The following NCBP3 variants were observed in gnomAD, a reference collection of about 807,000 sequenced individuals.
NCBP3 encodes nuclear cap binding subunit 3.
Under a neutral mutation model 75.7 loss-of-function variants are expected in NCBP3, and 20 were observed. That is an observed-to-expected ratio of 0.26 (90% CI 0.19 to 0.38). NCBP3 has a LOEUF of 0.38. NCBP3 is among the 10% of genes least tolerant of loss of function. The pLI is 1.00. For synonymous variants in NCBP3, 293 were observed against 290.5 expected, an observed-to-expected ratio of 1.01 and a Z score of -0.09; for missense variants, 678 against 796.9, an observed-to-expected ratio of 0.85 and a Z score of 1.80.
At chr17:3,813,379 C>G (rs980977068) in intron 12 of NCBP3, 100 bp from the exon 13 acceptor site, 4 of 1,411,978 alleles carry the variant, frequency 2.8e-6, no homozygotes, top group Non-Finnish European at 3.9e-6. Context: ...GTGCAGGAAA[C>G]GCCAGCAGTC....
chr17:3,840,023 C>G, intron 3 of NCBP3, 77 bp downstream of exon 3: 1 of 1,165,798 alleles, frequency 8.6e-7, no homozygotes, highest in Non-Finnish European at 1.3e-6. Context: ...AAGGCAAGGC[C>G]AGAAGCATGA....
intron 2 of NCBP3, 84 bp downstream of exon 2, chr17:3,843,002 A>G: frequency 6.2e-6 from 7 of 1,121,852 alleles, no homozygotes; most frequent in Non-Finnish European, 9.0e-6. Flanking sequence ...AAAAGAGGAA[A>G]TATTTACTGT....
rs1219691483 is a variant in NCBP3 at position 3,811,401 on chromosome 17, C to G, written c.*1643G>C. On this transcript the variant is annotated 3_prime_UTR_variant, in exon 13 of 13. Coordinates refer to ENST00000389005, the MANE Select transcript of NCBP3 (RefSeq NM_001114118.3). ...CTTAAGTCTCAACTGGCAGAGAAAC[C>G]AGAACCATCTCTTTCCTAGAATCCT... 6.6e-6 allele frequency: 1 copy of G among 152,174 alleles called. No individual in the cohort carries two copies. The highest frequency in any genetic ancestry group is 1.5e-5 in the Non-Finnish European group (1 of 68,030). The allele number at this position is 152,174 out of a possible 1,614,324, so 9.4% of individuals were successfully genotyped here.
At chr17:3,842,243 A>G in intron 2 of NCBP3, among the ~76,000 whole-genome samples, 1 of 152,064 alleles carries the variant, frequency 6.6e-6, no homozygotes, top group South Asian at 2.1e-4. Flanking sequence ...TGACCAATAC[A>G]ATGAAACCCT....
At chr17:3,823,564 C>T (rs914292828) in intron 7 of NCBP3, among the ~76,000 whole-genome samples, 2 of 152,004 alleles carry the variant, frequency 1.3e-5, no homozygotes, top group African/African-American at 4.8e-5. Context: ...AAGTATCTGC[C>T]CACCAATTTT....
rs2053604380 is a variant in NCBP3, at chr17:3,818,770, A to T, written c.1001-198T>A. ...ATGGCTAGGTAAAGTATGATGCAGC[A>T]GCCTAACCAAATACCATAAAGTCAT... is the stretch of plus-strand genomic sequence containing the variant. On this transcript the variant is annotated intron_variant, in intron 9 of 12. Coordinates refer to ENST00000389005, the MANE Select transcript of NCBP3 (RefSeq NM_001114118.3). The surrounding 1 kb of genome is among the most constrained non-coding windows in gnomAD (Gnocchi z 4.7). Among the ~76,000 whole-genome samples the T allele has an allele frequency of 6.6e-6, 1 of 152,224 alleles. No individual in the cohort carries two copies. The highest frequency in any genetic ancestry group is 6.5e-5 in the Admixed American group (1 of 15,280).
chr17:3,829,397 T>C (rs779710337), intron 3 of NCBP3, 29 bp from the exon 4 acceptor site: 10 of 1,549,140 alleles, frequency 6.5e-6, no homozygotes, highest in African/African-American at 2.7e-5. Flanking sequence ...GAAAAGATGA[T>C]AGAATTTTCC....
Position 3,826,123 on chromosome 17 carries a change from C to T in NCBP3, c.574G>A (p.Ala192Thr), listed in dbSNP as rs1223717336. Residue 192 changes from alanine to threonine, a missense_variant, in exon 5 of 13, where the codon GCC becomes ACC. Around this residue, in one of 7 missense-constraint regions of NCBP3, gnomAD observed 98 missense variants for 101.8 expected, o/e 0.96. Coordinates refer to ENST00000389005, the MANE Select transcript of NCBP3 (RefSeq NM_001114118.3). ...TTCTCAGCTGACTTGTCCTCACTGG[C>T]ATCCCTGCTTCTGATCTTATCCTGT... Reference protein sequence around the residue: ...PAQDKIRSRDASEDKSAEKRK... With the variant: ...PAQDKIRSRDTSEDKSAEKRK... 1 of 1,551,672 alleles carries T rather than the reference C, an allele frequency of 6.4e-7. No individual in the cohort carries two copies. The highest frequency in any genetic ancestry group is 8.7e-7 in the Non-Finnish European group (1 of 1,146,970).
At chr17:3,843,693 T>C (rs1251275997) in intron 1 of NCBP3, among the ~76,000 whole-genome samples, 4 of 152,182 alleles carry the variant, frequency 2.6e-5, no homozygotes, top group African/African-American at 9.7e-5. Context: ...ATTACAGGCA[T>C]GTGCCACCAC....
chr17:3,829,349 C>T lies in NCBP3; in HGVS notation c.375G>A (p.Leu125=). ...MMKKAIPKVR[L]ETIYICGVDE... is the part of the protein sequence containing the mutation. ...CTACTCCGCAAATATAGATTGTCTCCAGTCTCACCTTGGGGATTGCTAGAA... is the reference window on the plus strand; with the variant it reads ...CTACTCCGCAAATATAGATTGTCTCTAGTCTCACCTTGGGGATTGCTAGAA... Residue 125 remains leucine, a synonymous_variant, in exon 4 of 13, where the codon CTG becomes CTA. Transcript: ENST00000389005. The T allele has an allele frequency of 6.4e-7, 1 of 1,551,896 alleles. No homozygotes were observed.
At chr17:3,814,607 G>A (rs766658150) in intron 11 of NCBP3, 124 bp from the exon 12 acceptor site, 23 of 911,348 alleles carry the variant, frequency 2.5e-5, no homozygotes, top group Non-Finnish European at 2.8e-5. Context: ...CTGACAATCA[G>A]GCTGCTAAGT....
chr17:3,815,756 GTA>G (rs1306269427), intron 11 of NCBP3, among the ~76,000 whole-genome samples: 1 of 152,120 alleles, frequency 6.6e-6, no homozygotes, highest in Non-Finnish European at 1.5e-5. Flanking sequence ...ATGACTTAAA[GTA>G]TATGAGAGGA....
chr17:3,843,447 T>G (rs1463470514), intron 1 of NCBP3, among the ~76,000 whole-genome samples: 1 of 152,166 alleles, frequency 6.6e-6, no homozygotes, highest in Non-Finnish European at 1.5e-5. Flanking sequence ...TTGCCCAGGC[T>G]GGTCACCAAC....
In NCBP3 at chr17:3,816,131, T is replaced by C; in HGVS notation, c.1450A>G (p.Ser484Gly). The change falls in exon 11 of 13, where the codon AGC becomes GGC. Residue 484 changes from serine (S) to glycine (G), a missense_variant. Around this residue, in one of 7 missense-constraint regions of NCBP3, gnomAD observed 365 missense variants for 392.7 expected, o/e 0.93. Coordinates refer to ENST00000389005, the MANE Select transcript of NCBP3 (RefSeq NM_001114118.3). ...GGAACAGTACCTGATTTAGTACTGCTGACTGGTGGCCGTGGACGGGAGTGC... is the reference window on the plus strand; with the variant it reads ...GGAACAGTACCTGATTTAGTACTGCCGACTGGTGGCCGTGGACGGGAGTGC... Reference protein sequence around the residue: ...RQHSRPRPPVSSTKSDIRQRL... With the variant: ...RQHSRPRPPVGSTKSDIRQRL... The C allele has an allele frequency of 6.2e-7, 1 of 1,614,062 alleles. No homozygotes were observed. Among genetic ancestry groups the C allele is most frequent in the East Asian group, 2.2e-5 (1 of 44,890 alleles).
rs1333709667 is a variant in NCBP3, at chr17:3,807,936, G to C, written c.*5108C>G. The C allele has an allele frequency of 6.6e-6, 1 of 152,020 alleles. No homozygotes were observed. The highest frequency in any genetic ancestry group is 2.4e-5 in the African/African-American group (1 of 41,364). The allele number at this position is 152,020 out of a possible 1,614,324, so 9.4% of individuals were successfully genotyped here. ...AGTGTAGAGGTGTGCAGGGTTGTGG[G>C]GTACAGTGATTTGGCATTATACACA... On this transcript the variant is annotated 3_prime_UTR_variant, in exon 13 of 13. Coordinates refer to ENST00000389005, the MANE Select transcript of NCBP3 (RefSeq NM_001114118.3).
chr17:3,819,052 T>C (rs1288810508), intron 9 of NCBP3, among the ~76,000 whole-genome samples: 1 of 152,154 alleles, frequency 6.6e-6, no homozygotes, highest in Non-Finnish European at 1.5e-5. Context: ...TTTTTCACAC[T>C]TCTGTGCCTG....
rs147648960 is a variant in NCBP3, at chr17:3,806,297, T to C, written c.*6747A>G. On this transcript the variant is annotated 3_prime_UTR_variant, in exon 13 of 13. Transcript: ENST00000389005. ...TTCCAACATGTTGGCCAGGCTGCTCTTGAACTCCTGACCTCAGGTGATCCA... is the reference window on the plus strand; with the variant it reads ...TTCCAACATGTTGGCCAGGCTGCTCCTGAACTCCTGACCTCAGGTGATCCA... The C allele has an allele frequency of 0.042, 6,429 of 152,364 alleles. 183 individuals are homozygous for C. Among genetic ancestry groups the C allele is most frequent in the Non-Finnish European group, 0.063 (4,292 of 68,068 alleles). The allele number at this position is 152,364 out of a possible 1,614,324, so 9.4% of individuals were successfully genotyped here.
chr17:3,831,277 A>G (rs150912018), intron 3 of NCBP3, among the ~76,000 whole-genome samples: 2 of 151,928 alleles, frequency 1.3e-5, no homozygotes, highest in Non-Finnish European at 2.9e-5. Context: ...TAAATATATC[A>G]ATAAATAAAC....
At chr17:3,817,982 C>T (rs192501471) in intron 10 of NCBP3, among the ~76,000 whole-genome samples, 1 of 152,206 alleles carries the variant, frequency 6.6e-6, no homozygotes, top group African/African-American at 2.4e-5. Context: ...CACACACACA[C>T]ACACACACAA....
Sources: allele counts gnomAD v4.1 joint callset (sites outside exome capture counted in the v4.1 genomes callset), GRCh38; gene constraint gnomAD v4.1.1; regional missense constraint gnomAD v4.1.1; non-coding constraint Gnocchi (gnomAD v3.1); transcripts MANE v1.5; gene names NCBI Gene and HGNC (gene_info 2026-07-23, HGNC 2026-07-21).